PRSS23: variants seen among roughly 807,000 people sequenced by gnomAD.
PRSS23 encodes protease, serine 23.
In PRSS23, 25 loss-of-function variants were observed where a neutral mutation model predicts 34.7. The ratio of observed to expected loss-of-function variants is 0.72; its 90% CI spans 0.53 to 1.01. The LOEUF (loss-of-function observed/expected upper bound fraction) is 1.01, where lower values mean the gene tolerates loss of function less well. Among genes scored for constraint, PRSS23 ranks in the 50% least tolerant of loss-of-function variants. The pLI, the probability that PRSS23 is intolerant of heterozygous loss-of-function variation, is 0.00. For synonymous variants in PRSS23, 176 were observed against 186.6 expected (o/e 0.94, Z 0.46); for missense variants, 445 against 475.6 (o/e 0.94, Z 0.60).
chr11:86,908,452 ACAGATTGATCC>A (rs770194089), intron 2 of PRSS23, among the ~76,000 whole-genome samples: 8 of 152,242 alleles, frequency 5.3e-5, no homozygotes, highest in Admixed American at 1.3e-4. Flanking sequence ...GTTTACTCCT[ACAGATTGATCC>A]CAGGGAGGAA....
chr11:86,897,806 GAA>G (rs1948886558), intron 2 of PRSS23, among the ~76,000 whole-genome samples: 1 of 152,186 alleles, frequency 6.6e-6, no homozygotes, highest in Non-Finnish European at 1.5e-5. Flanking sequence ...CTTCAAAGAA[GAA>G]AAAGAGCAGA....
intron 2 of PRSS23, among the ~76,000 whole-genome samples, chr11:86,869,536 AT>A (rs1948671461): frequency 6.6e-6 from 1 of 152,174 alleles, no homozygotes; most frequent in Admixed American, 6.5e-5. Flanking sequence ...TAGAAATGGC[AT>A]TGTTCCCAGG....
At chr11:86,856,894 C>A (rs760067090) in intron 2 of PRSS23, among the ~76,000 whole-genome samples, 11 of 152,110 alleles carry the variant, frequency 7.2e-5, no homozygotes, top group Non-Finnish European at 1.5e-4. Context: ...GAATACTCAC[C>A]CATTCCAGTT....
chr11:86,833,283 C>G lies in PRSS23; in HGVS notation c.206+9690C>G, dbSNP rs549981360. The G allele has an allele frequency of 5.3e-5, 83 of 1,563,620 alleles. 1 individual carries two copies. In the African/African-American group the frequency reaches 9.7e-4, roughly 18 times the overall value. ...AGGACAGGTTGGAGAGGAAGAAGTACATGGGGGTGTGGAGGTGGAAGTCAG... is the reference window on the plus strand; with the variant it reads ...AGGACAGGTTGGAGAGGAAGAAGTAGATGGGGGTGTGGAGGTGGAAGTCAG... On this transcript the variant is annotated intron_variant, in intron 2 of 2. Transcript: ENST00000533902.
chr11:86,937,460 C>T (rs1590936071), intron 2 of PRSS23: 1 of 152,282 alleles, frequency 6.6e-6, no homozygotes, highest in Non-Finnish European at 1.5e-5. Context: ...GACGGTTAGG[C>T]ATTCTAAGTC....
At chr11:86,879,785 C>G (rs1258636658) in intron 2 of PRSS23, among the ~76,000 whole-genome samples, 2 of 115,334 alleles carry the variant, frequency 1.7e-5, no homozygotes. Context: ...GGGGTCAGCC[C>G]CCTGCCCGGC....
downstream of PRSS23, among the ~76,000 whole-genome samples, chr11:86,815,882 T>A (rs1948212176): frequency 6.6e-6 from 1 of 152,154 alleles, no homozygotes; most frequent in Non-Finnish European, 1.5e-5. Flanking sequence ...TGTTTCTCCT[T>A]TAACTATGAC....
chr11:86,909,569 C>G (rs1565383405), intron 2 of PRSS23: 2 of 152,208 alleles, frequency 1.3e-5, no homozygotes, highest in Admixed American at 1.3e-4. Context: ...AGAGGAGAGG[C>G]TGGCATAGAG....
chr11:86,884,283 T>C (rs1215455211), intron 2 of PRSS23, among the ~76,000 whole-genome samples: 1 of 152,146 alleles, frequency 6.6e-6, no homozygotes. Flanking sequence ...CAAAATATTC[T>C]TGCACTCATA....
chr11:86,850,753 C>G (rs557992628), intron 2 of PRSS23, among the ~76,000 whole-genome samples: 6 of 152,158 alleles, frequency 3.9e-5, no homozygotes, highest in African/African-American at 1.2e-4. Flanking sequence ...TGCTTTGTAA[C>G]GTCCTGTAAG....
At chr11:86,903,933 A>T (rs1948926757) in intron 2 of PRSS23, among the ~76,000 whole-genome samples, 2 of 152,066 alleles carry the variant, frequency 1.3e-5, no homozygotes, top group South Asian at 4.2e-4. Context: ...ATGACCTGGC[A>T]TAGGCAGGGT....
At position 86,941,367 on chromosome 11, in the gene PRSS23, C is replaced by T. The variant is rs187732352; in HGVS notation, c.207-9849C>T. ...GTGGGAAGGAGGGTAGAGGGAGGCA[C>T]GTAGTGTGCTGCAGCGAACTTCTAG... On this transcript the variant is annotated intron_variant, in intron 2 of 2. Transcript: ENST00000533902. Among the ~76,000 whole-genome samples the T allele has an allele frequency of 1.9e-4, 29 of 152,274 alleles. 1 individual carries two copies. In the South Asian group the frequency reaches 3.1e-3, roughly 16 times the overall value.
At chr11:86,941,765 G>C (rs1044958143) in intron 2 of PRSS23, among the ~76,000 whole-genome samples, 2 of 152,186 alleles carry the variant, frequency 1.3e-5, no homozygotes, top group Non-Finnish European at 2.9e-5. Flanking sequence ...TGAGGCTGGA[G>C]AATTTTCTTG....
At chr11:86,879,770 G>T (rs1948758546) in intron 2 of PRSS23, among the ~76,000 whole-genome samples, 3 of 140,414 alleles carry the variant, frequency 2.1e-5, no homozygotes, top group African/African-American at 7.9e-5. Context: ...CGGGAGGGAG[G>T]TGGGGGGGTC....
chr11:86,855,442 C>T (rs56241897), intron 2 of PRSS23, among the ~76,000 whole-genome samples: 10,486 of 152,210 alleles, frequency 0.069, 456 homozygotes, highest in East Asian at 0.16. Context: ...CTATCCCACT[C>T]CTTTTCTTCC....
downstream of PRSS23, among the ~76,000 whole-genome samples, chr11:86,815,712 C>G (rs1434979814): frequency 6.6e-6 from 1 of 152,176 alleles, no homozygotes; most frequent in Admixed American, 6.5e-5. Context: ...TGGTCTAGCA[C>G]AGGAAATATT....
At position 86,808,109 on chromosome 11, in the gene PRSS23, T is replaced by C. The variant is rs199801803; in HGVS notation, c.466T>C (p.Leu156=). 5.9e-5 allele frequency: 96 copies of C among 1,614,020 alleles called. No individual in the cohort carries two copies. Among genetic ancestry groups the C allele is most frequent in the Non-Finnish European group, 7.6e-5 (90 of 1,180,040 alleles). Residue 156 remains leucine (L), a synonymous_variant, in exon 2 of 2, where the codon TTA becomes CTA. Transcript: ENST00000280258. ...LNYPFSTSVK[L]STGCTGTLVA... is the part of the protein sequence containing the mutation. ...CTACCCTTTCTCAACATCAGTGAAG[T>C]TATCCACGGGCTGCACCGGCACCCT...
intron 2 of PRSS23, among the ~76,000 whole-genome samples, chr11:86,843,896 C>G (rs1948466959): frequency 6.6e-6 from 1 of 152,154 alleles, no homozygotes; most frequent in African/African-American, 2.4e-5. Context: ...CCATCTGACC[C>G]AGCAATCCCA....
rs573001709 is a variant in PRSS23, at chr11:86,839,810, G to A, written c.206+16217G>A. ...GGGGCCAATATTCAGCATTCCTAAA[G>A]GAAAGAATTTTCAATCCAGAATCTC... On this transcript the variant is annotated intron_variant, in intron 2 of 2. Coordinates refer to the PRSS23 transcript ENST00000533902. Among the ~76,000 whole-genome samples the A allele has an allele frequency of 7.3e-4, 110 of 150,542 alleles. 1 individual carries two copies. Among genetic ancestry groups the A allele is most frequent in the African/African-American group, 2.6e-3 (105 of 40,906 alleles).
Sources: allele counts gnomAD v4.1 joint callset (sites outside exome capture counted in the v4.1 genomes callset), GRCh38; gene constraint gnomAD v4.1.1; transcripts MANE v1.5; gene names NCBI Gene and HGNC (gene_info 2026-07-23, HGNC 2026-07-21).